Variants in NR2C2 observed in about 807,000 individuals in gnomAD.
NR2C2 encodes nuclear receptor subfamily 2 group C member 2.
In NR2C2, 6 loss-of-function variants were observed where a neutral mutation model predicts 62.9. The observed-to-expected ratio is 0.10, with a 90% CI of 0.05 to 0.19. The LOEUF is 0.19. Ranked by LOEUF, NR2C2 falls within the 10% of genes least tolerant of loss-of-function variation. NR2C2 has a pLI of 1.00. For missense variants in NR2C2, 479 were observed against 762.7 expected, an observed-to-expected ratio of 0.63 and a Z score of 4.38; for synonymous variants, 272 against 273.8, an observed-to-expected ratio of 0.99 and a Z score of 0.07.
chr3:15,021,305 C>T (rs771077820), intron 5 of NR2C2, among the ~76,000 whole-genome samples: 1 of 152,206 alleles, frequency 6.6e-6, no homozygotes, highest in Non-Finnish European at 1.5e-5. Context: ...CTGTGATCTA[C>T]TTAATCACCT....
intron 2 of NR2C2, among the ~76,000 whole-genome samples, chr3:15,008,247 G>A (rs1288671101): frequency 6.6e-6 from 1 of 150,920 alleles, no homozygotes; most frequent in Non-Finnish European, 1.5e-5. Flanking sequence ...AGGGGGCTGA[G>A]TGCAGTGGCT....
rs890505327 is a variant in NR2C2, at chr3:15,000,401, T to C, written c.-39-3475T>C. Among the ~76,000 whole-genome samples the C allele has an allele frequency of 3.9e-5, 6 of 152,342 alleles. No individual in the cohort carries two copies. In the South Asian group the frequency reaches 1.0e-3, roughly 26 times the overall value. On this transcript the variant is annotated intron_variant, in intron 1 of 13. Transcript: ENST00000425241. ...CATTGTGTGTATATACCACATTTTC[T>C]TTATTCATTCATCTATTGATGGACT... is the stretch of plus-strand genomic sequence containing the variant.
At chr3:14,999,461 A>G (rs1357593275) in intron 1 of NR2C2, among the ~76,000 whole-genome samples, 1 of 152,192 alleles carries the variant, frequency 6.6e-6, no homozygotes, top group Admixed American at 6.5e-5. Flanking sequence ...ACTGCGCTCT[A>G]GCACAGGCAA....
chr3:15,028,634 T>A lies in NR2C2; in HGVS notation c.847T>A (p.Ser283Thr). Reference sequence around the variant, plus strand: ...GGGCACACTGGCAAATGTAGTGACCTCCCTTGCCAACCTAAGTGAATCTTT... The same window carrying A: ...GGGCACACTGGCAAATGTAGTGACCACCCTTGCCAACCTAAGTGAATCTTT... ...ALGTLANVVTSLANLSESLNN... is the reference protein window; with the variant it reads ...ALGTLANVVTTLANLSESLNN... Residue 283 changes from serine (S) to threonine (T), a missense_variant, in exon 8 of 14, where the codon TCC becomes ACC. By Grantham distance (58) the Ser-to-Thr change is moderately conservative (BLOSUM62 1). Coordinates refer to ENST00000425241, the MANE Select transcript of NR2C2 (RefSeq NM_001291694.2). The A allele has an allele frequency of 1.9e-6, 3 of 1,614,050 alleles. No homozygotes were observed. The highest frequency in any genetic ancestry group is 2.5e-6 in the Non-Finnish European group (3 of 1,179,912).
chr3:14,972,865 C>A (rs1361790262), intron 1 of NR2C2, among the ~76,000 whole-genome samples: 1 of 152,080 alleles, frequency 6.6e-6, no homozygotes, highest in Non-Finnish European at 1.5e-5. Context: ...TTTAAACAAC[C>A]AGATCTCATG....
intron 1 of NR2C2, among the ~76,000 whole-genome samples, chr3:14,958,516 C>T (rs914277080): frequency 5.9e-5 from 9 of 152,180 alleles, no homozygotes; most frequent in African/African-American, 2.4e-5. Context: ...GTTTAGTGTT[C>T]TGTCCACAGT....
intron 8 of NR2C2, among the ~76,000 whole-genome samples, chr3:15,029,109 C>CTT (rs200667224): frequency 5.7e-5 from 7 of 123,884 alleles, no homozygotes; most frequent in African/African-American, 1.5e-4. Context: ...TTTCTTTTTT[C>CTT]TTTTTTTTTT....
intron 7 of NR2C2, among the ~76,000 whole-genome samples, chr3:15,028,013 C>T (rs925611433): frequency 1.3e-5 from 2 of 152,128 alleles, no homozygotes; most frequent in Admixed American, 6.6e-5. Context: ...CACCTGCCAC[C>T]ATGCCTGGCT....
chr3:14,958,354 C>G (rs1262085953), intron 1 of NR2C2, among the ~76,000 whole-genome samples: 1 of 150,160 alleles, frequency 6.7e-6, no homozygotes, highest in Admixed American at 6.6e-5. Flanking sequence ...TTTTTTTTAA[C>G]TTAAGGTACT....
At chr3:15,039,774 C>A (rs972680923) in intron 13 of NR2C2, among the ~76,000 whole-genome samples, 1 of 152,038 alleles carries the variant, frequency 6.6e-6, no homozygotes, top group Non-Finnish European at 1.5e-5. Context: ...GTCATTTTAC[C>A]CTCAGATAAA....
intron 2 of NR2C2, chr3:15,004,457 G>A (rs2041109877): frequency 8.3e-7 from 1 of 1,204,474 alleles, no homozygotes; most frequent in Admixed American, 2.6e-5. Context: ...ATGGTACCTG[G>A]CACATAATAA....
intron 1 of NR2C2, among the ~76,000 whole-genome samples, chr3:14,984,773 A>G (rs957091185): frequency 2.6e-5 from 4 of 151,726 alleles, no homozygotes; most frequent in East Asian, 1.9e-4. Flanking sequence ...TTGTGAGAAC[A>G]TATGCTTTTC....
chr3:15,039,686 A>G (rs1392688466), intron 13 of NR2C2, among the ~76,000 whole-genome samples: 2 of 152,198 alleles, frequency 1.3e-5, no homozygotes, highest in African/African-American at 4.8e-5. Flanking sequence ...ACTTGACAGA[A>G]AAGTGCTTAT....
intron 12 of NR2C2, 108 bp downstream of exon 12, chr3:15,038,245 A>T: frequency 8.4e-7 from 1 of 1,185,972 alleles, no homozygotes; most frequent in African/African-American, 1.6e-5. Context: ...TGCAGATTGT[A>T]TGTGACCTAG....
At chr3:14,970,175 G>A (rs1051033261) in intron 1 of NR2C2, among the ~76,000 whole-genome samples, 3 of 134,680 alleles carry the variant, frequency 2.2e-5, no homozygotes, top group Non-Finnish European at 4.5e-5. Flanking sequence ...ATTTCTTCTG[G>A]TATTTAACTT....
chr3:15,026,100 C>T (rs1485892027), intron 7 of NR2C2: 1 of 151,940 alleles, frequency 6.6e-6, no homozygotes, highest in Non-Finnish European at 1.5e-5. Flanking sequence ...CTCATTGCAA[C>T]CTGCACCTCC....
intron 1 of NR2C2, among the ~76,000 whole-genome samples, chr3:14,952,934 G>C (rs1352887897): frequency 6.6e-6 from 1 of 152,226 alleles, no homozygotes; most frequent in Non-Finnish European, 1.5e-5. Flanking sequence ...GCTCAACAAT[G>C]ATGAGGAGTG....
chr3:14,949,378 CT>C (rs1402494038), intron 1 of NR2C2, among the ~76,000 whole-genome samples: 1 of 152,214 alleles, frequency 6.6e-6, no homozygotes, highest in African/African-American at 2.4e-5. Flanking sequence ...TGTAACGGCC[CT>C]GGAGGAAGAG....
chr3:14,996,611 C>G (rs545233664), intron 1 of NR2C2, among the ~76,000 whole-genome samples: 1 of 152,312 alleles, frequency 6.6e-6, no homozygotes, highest in African/African-American at 2.4e-5. Flanking sequence ...CGCTCTGTCC[C>G]CCAGGCTGGA....
Sources: gnomAD v4.1 joint callset for allele counts (sites outside exome capture counted in the v4.1 genomes callset) on GRCh38, gnomAD v4.1.1 for gene constraint, MANE v1.5 for transcripts, NCBI Gene and HGNC (gene_info 2026-07-23, HGNC 2026-07-21) for gene names.